Variants in FARS2 observed in about 807,000 individuals in gnomAD.
The protein encoded by FARS2 is phenylalanine--tRNA ligase, mitochondrial.
FARS2 carries 40 observed loss-of-function variants against 46.4 expected under a neutral mutation model. The ratio of observed to expected loss-of-function variants is 0.86; its 90% CI spans 0.67 to 1.12. FARS2 has a LOEUF of 1.12. FARS2 is among the 50% of genes most tolerant of loss of function. The pLI is 0.00. For missense variants in FARS2, 513 were observed against 567.9 expected, an observed-to-expected ratio of 0.90 and a Z score of 0.98; for synonymous variants, 234 against 214.9, an observed-to-expected ratio of 1.09 and a Z score of -0.78.
chr6:5,519,222 G>A (rs1044882469), intron 4 of FARS2, among the ~76,000 whole-genome samples: 1 of 152,218 alleles, frequency 6.6e-6, no homozygotes, highest in African/African-American at 2.4e-5. Flanking sequence ...TGTCAGAACA[G>A]AAACTTGCTG....
chr6:5,316,479 C>T lies in FARS2; in HGVS notation c.-21-52071C>T, dbSNP rs183164626. Among the ~76,000 whole-genome samples, 4 of 152,244 alleles carry T rather than the reference C, an allele frequency of 2.6e-5. No homozygotes were observed. The East Asian group carries it at 7.7e-4, about 29-fold the overall frequency. ...GTGAAAATCAATGACTCTTCCTAGACCCATGGAAGAACTGAGGTGACAGGG... is the reference window on the plus strand; with the variant it reads ...GTGAAAATCAATGACTCTTCCTAGATCCATGGAAGAACTGAGGTGACAGGG... On this transcript the variant is annotated intron_variant, in intron 1 of 6. Transcript: ENST00000274680.
At chr6:5,735,615 G>T (rs2150943629) in intron 6 of FARS2, among the ~76,000 whole-genome samples, 1 of 152,348 alleles carries the variant, frequency 6.6e-6, no homozygotes, top group Admixed American at 6.5e-5. Flanking sequence ...ACACCATACA[G>T]TCCTGGCTGT....
intron 1 of FARS2, among the ~76,000 whole-genome samples, chr6:5,281,729 C>T (rs1766742912): frequency 6.7e-6 from 1 of 150,078 alleles, no homozygotes; most frequent in Non-Finnish European, 1.5e-5. Context: ...AATGATATCT[C>T]TCTGTGTGTC....
chr6:5,382,708 C>G (rs1759868446), intron 2 of FARS2, among the ~76,000 whole-genome samples: 2 of 152,278 alleles, frequency 1.3e-5, no homozygotes, highest in South Asian at 4.1e-4. Flanking sequence ...GTAGAAGCTT[C>G]TTTGTTATTG....
At chr6:5,432,399 ATT>A (rs368002503) in intron 4 of FARS2, among the ~76,000 whole-genome samples, 1 of 127,676 alleles carries the variant, frequency 7.8e-6, no homozygotes, top group Non-Finnish European at 1.6e-5. Context: ...CATTATATAT[ATT>A]ATGTATTATA....
At chr6:5,498,536 C>G (rs545841814) in intron 4 of FARS2, among the ~76,000 whole-genome samples, 2 of 152,218 alleles carry the variant, frequency 1.3e-5, no homozygotes, top group African/African-American at 4.8e-5. Flanking sequence ...CTAACACCAG[C>G]GGAGTGACTG....
At chr6:5,474,422 A>G (rs1765990141) in intron 4 of FARS2, among the ~76,000 whole-genome samples, 1 of 152,324 alleles carries the variant, frequency 6.6e-6, no homozygotes, top group Non-Finnish European at 1.5e-5. Context: ...ACAGGGATGC[A>G]TTCTGAGAAA....
chr6:5,533,450 T>C (rs975073755), intron 4 of FARS2, among the ~76,000 whole-genome samples: 8 of 152,130 alleles, frequency 5.3e-5, no homozygotes, highest in Admixed American at 5.2e-4. Flanking sequence ...AGTGGGAAAA[T>C]CTTGAAACCT....
intron 5 of FARS2, among the ~76,000 whole-genome samples, chr6:5,612,901 G>A (rs1247058143): frequency 1.3e-5 from 2 of 152,044 alleles, no homozygotes; most frequent in African/African-American, 4.8e-5. Flanking sequence ...AAATTTCTTT[G>A]TACTAAGTTG....
intron 4 of FARS2, among the ~76,000 whole-genome samples, chr6:5,464,787 TAAAGAAAGAAAG>T (rs201059046): frequency 6.6e-6 from 1 of 151,936 alleles, no homozygotes; most frequent in East Asian, 1.9e-4. Context: ...CTTACAGGGT[TAAAGAAAGAAAG>T]AAAGAAAGAA....
intron 6 of FARS2, among the ~76,000 whole-genome samples, chr6:5,752,877 C>A (rs76679792): frequency 6.6e-6 from 1 of 152,006 alleles, no homozygotes; most frequent in African/African-American, 2.4e-5. Flanking sequence ...TCCCCAAGAC[C>A]CCCCCCAGGT....
At chr6:5,391,192 T>C (rs1760487667) in intron 2 of FARS2, among the ~76,000 whole-genome samples, 1 of 152,138 alleles carries the variant, frequency 6.6e-6, no homozygotes, top group Non-Finnish European at 1.5e-5. Flanking sequence ...TAGTATATAT[T>C]CCATCACGGA....
intron 1 of FARS2, among the ~76,000 whole-genome samples, chr6:5,348,299 A>C (rs1757362499): frequency 6.6e-6 from 1 of 151,844 alleles, no homozygotes; most frequent in Admixed American, 6.6e-5. Context: ...TTTGGTCACT[A>C]GTCTTTACAT....
intron 3 of FARS2, among the ~76,000 whole-genome samples, chr6:5,418,512 G>A (rs969765536): frequency 2.0e-5 from 3 of 152,156 alleles, no homozygotes; most frequent in African/African-American, 7.2e-5. Context: ...CTTGGCTGTT[G>A]AGAACTGGCA....
chr6:5,746,139 C>T (rs766677478), intron 6 of FARS2, among the ~76,000 whole-genome samples: 12 of 152,086 alleles, frequency 7.9e-5, no homozygotes, highest in Non-Finnish European at 1.6e-4. Flanking sequence ...CTATTTGATA[C>T]CTTACATTCC....
intron 4 of FARS2, among the ~76,000 whole-genome samples, chr6:5,540,685 A>G (rs1270747040): frequency 6.6e-6 from 1 of 152,206 alleles, no homozygotes; most frequent in Non-Finnish European, 1.5e-5. Context: ...CTGTTTTCTC[A>G]GAACTCTCAG....
chr6:5,531,479 T>A (rs1769828473), intron 4 of FARS2, among the ~76,000 whole-genome samples: 1 of 152,106 alleles, frequency 6.6e-6, no homozygotes, highest in South Asian at 2.1e-4. Flanking sequence ...TTTTTTGAGA[T>A]GGTTGTGAAA....
intron 4 of FARS2, among the ~76,000 whole-genome samples, chr6:5,437,475 C>G (rs930402504): frequency 6.6e-6 from 1 of 152,096 alleles, no homozygotes; most frequent in Non-Finnish European, 1.5e-5. Context: ...ATGGACTTGG[C>G]TATTTTACCC....
chr6:5,714,982 G>A (rs1232626254), intron 6 of FARS2, among the ~76,000 whole-genome samples: 6 of 152,116 alleles, frequency 3.9e-5, no homozygotes, highest in East Asian at 1.9e-4. Flanking sequence ...TGGAGATCGC[G>A]CCACTGCACT....
Sources: allele counts gnomAD v4.1 joint callset (sites outside exome capture counted in the v4.1 genomes callset), GRCh38; gene constraint gnomAD v4.1.1; transcripts MANE v1.5; gene names NCBI Gene and HGNC (gene_info 2026-07-23, HGNC 2026-07-21).